FGF21: variants seen among roughly 807,000 people sequenced by gnomAD.
FGF21 encodes the protein fibroblast growth factor 21.
FGF21 carries 13 observed loss-of-function variants against 13.4 expected under a neutral mutation model. The ratio of observed to expected loss-of-function variants is 0.97; its 90% CI spans 0.63 to 1.54. The LOEUF (loss-of-function observed/expected upper bound fraction) is 1.54. Among genes scored for constraint, FGF21 ranks in the 40% most tolerant of loss-of-function variants. FGF21 has a pLI of 0.00. For synonymous variants in FGF21, 124 were observed against 123.6 expected (o/e 1.00, Z -0.02); for missense variants, 303 against 272.4 (o/e 1.11, Z -0.79).
Position 48,758,263 on chromosome 19 carries a change from G to T in FGF21, c.*43G>T. 2 of 1,484,000 alleles carry T rather than the reference G, an allele frequency of 1.3e-6. No homozygotes were observed. Among genetic ancestry groups the T allele is most frequent in the Admixed American group, 2.3e-5 (1 of 42,554 alleles). The allele number at this position is 1,484,000 out of a possible 1,614,324, so 91.9% of individuals were successfully genotyped here. ...TATGACATCTCCTCTTTATTTATTA[G>T]GTTATTTATCTTATTTATTTTTTTA... On this transcript the variant is annotated 3_prime_UTR_variant, in exon 4 of 4. Coordinates refer to ENST00000593756, the MANE Select transcript of FGF21 (RefSeq NM_019113.4).
intron 3 of FGF21, among the ~76,000 whole-genome samples, chr19:48,757,497 T>A (rs2122579899): frequency 6.6e-6 from 1 of 152,194 alleles, no homozygotes; most frequent in African/African-American, 2.4e-5. Context: ...GGGAGGCAGG[T>A]CCCTGCAGGA....
intron 3 of FGF21, among the ~76,000 whole-genome samples, 161 bp from the exon 4 acceptor site, chr19:48,757,769 G>A (rs9916946): frequency 2.2e-4 from 31 of 139,864 alleles, no homozygotes; most frequent in African/African-American, 6.7e-4. Flanking sequence ...CTCCTGGGTC[G>A]GATGGAGGAG....
At chr19:48,757,639 T>TG (rs1400001385) in intron 3 of FGF21, among the ~76,000 whole-genome samples, 51 of 75,842 alleles carry the variant, frequency 6.7e-4, no homozygotes, top group African/African-American at 2.1e-3. Flanking sequence ...GAGGAGGGGC[T>TG]GGGGCCTGGA....
rs1210325299 is a variant in FGF21, at chr19:48,756,966, A to G, written c.276A>G (p.Gln92=). 7 of 1,613,990 alleles carry G rather than the reference A, an allele frequency of 4.3e-6. No individual in the cohort carries two copies. In the Admixed American group the frequency reaches 1.0e-4, roughly 23 times the overall value. ...AAGCCTTGAAGCCGGGAGTTATTCAAATCTTGGGAGTCAAGACATCCAGGT... is the reference window on the plus strand; with the variant it reads ...AAGCCTTGAAGCCGGGAGTTATTCAGATCTTGGGAGTCAAGACATCCAGGT... ...QLKALKPGVI[Q]ILGVKTSRFL... is the part of the protein sequence containing the mutation. The change falls in exon 3 of 4, where the codon CAA becomes CAG. Residue 92 remains glutamine (Q), a synonymous_variant. Transcript: ENST00000593756.
In FGF21 at chr19:48,758,136, C is replaced by T. The variant is rs760562529; in HGVS notation, c.546C>T (p.Ala182=). ...TCCCGGAGCCACCCGGAATCCTGGCCCCCCAGCCCCCCGATGTGGGCTCCT... is the reference window on the plus strand; with the variant it reads ...TCCCGGAGCCACCCGGAATCCTGGCTCCCCAGCCCCCCGATGTGGGCTCCT... ...PALPEPPGIL[A]PQPPDVGSSD... The change falls in exon 4 of 4, where the codon GCC becomes GCT. Residue 182 remains alanine, a synonymous_variant. Transcript: ENST00000593756. 2.5e-6 allele frequency: 4 copies of T among 1,611,370 alleles called. No homozygotes were observed. In the Admixed American group the frequency reaches 5.0e-5, roughly 20 times the overall value.
In FGF21 at chr19:48,756,154, C is replaced by A; in HGVS notation, c.-83C>A. On this transcript the variant is annotated 5_prime_UTR_variant, in exon 2 of 4. Transcript: ENST00000593756. ...GGCCACCTGAGTCTACTCACCTGGA[C>A]AACTGGAATCTGGCACCAATTCTAA... 1 of 1,228,048 alleles carries A rather than the reference C, an allele frequency of 8.1e-7. No individual in the cohort carries two copies. Among genetic ancestry groups the A allele is most frequent in the Non-Finnish European group, 1.1e-6 (1 of 869,728 alleles). 76.1% of individuals were successfully genotyped at this position (1,228,048 alleles called of 1,614,324 possible). A position where few individuals can be genotyped will look rare whatever the true frequency, so the allele number is the denominator to read the frequency against.
rs1011845951 is a variant in FGF21 at position 48,756,186 on chromosome 19, C to G, written c.-51C>G. On this transcript the variant is annotated 5_prime_UTR_variant, in exon 2 of 4. Coordinates refer to ENST00000593756, the MANE Select transcript of FGF21 (RefSeq NM_019113.4). ...AATCTGGCACCAATTCTAAACCACT[C>G]AGCTTCTCCGAGCTCACACCCCGGA... is the stretch of plus-strand genomic sequence containing the variant. 3 of 1,520,124 alleles carry G rather than the reference C, an allele frequency of 2.0e-6. No individual in the cohort carries two copies. The African/African-American group carries it at 4.1e-5, about 21-fold the overall frequency. 94.2% of individuals were successfully genotyped at this position (1,520,124 alleles called of 1,614,324 possible). A position where few individuals can be genotyped will look rare whatever the true frequency, so the allele number is the denominator to read the frequency against.
intron 2 of FGF21, 38 bp from the exon 3 acceptor site, chr19:48,756,888 A>C: frequency 2.0e-6 from 3 of 1,512,914 alleles, no homozygotes; most frequent in East Asian, 2.3e-5. Flanking sequence ...CCCGGGTGGG[A>C]GAGGTCCTCG....
intron 2 of FGF21, 55 bp from the exon 3 acceptor site, chr19:48,756,871 G>T: frequency 7.3e-7 from 1 of 1,374,100 alleles, no homozygotes; most frequent in Non-Finnish European, 1.0e-6. Flanking sequence ...TCGGGTGGTG[G>T]GACAGTCCCG....
At position 48,756,188 on chromosome 19, in the gene FGF21, G is replaced by C. The variant is rs759483438; in HGVS notation, c.-49G>C. On this transcript the variant is annotated 5_prime_UTR_variant, in exon 2 of 4. Transcript: ENST00000593756. ...TCTGGCACCAATTCTAAACCACTCA[G>C]CTTCTCCGAGCTCACACCCCGGAGA... The C allele has an allele frequency of 1.3e-6, 2 of 1,530,548 alleles. No individual in the cohort carries two copies. Among genetic ancestry groups the C allele is most frequent in the African/African-American group, 1.4e-5 (1 of 73,088 alleles). 94.8% of individuals were successfully genotyped at this position (1,530,548 alleles called of 1,614,324 possible).
chr19:48,757,878 T>C (rs1401782274), intron 3 of FGF21, 52 bp from the exon 4 acceptor site: 1 of 1,495,624 alleles, frequency 6.7e-7, no homozygotes, highest in Admixed American at 2.2e-5. Context: ...TCCTGGGTCT[T>C]ACATCAGGAA....
At position 48,758,142 on chromosome 19, in the gene FGF21, GC is replaced by G; in HGVS notation, c.558del (p.Asp187MetfsTer8). On this transcript the variant is annotated frameshift_variant, in exon 4 of 4. Coordinates refer to ENST00000593756, the MANE Select transcript of FGF21 (RefSeq NM_019113.4). LOFTEE classifies it high-confidence loss of function. ...PEPPGILAPQPPDVGSSDPLS... is the reference protein window; with the variant it reads ...PEPPGILAPQXPDVGSSDPLS... Reference sequence around the variant, plus strand: ...AGCCACCCGGAATCCTGGCCCCCCAGCCCCCCGATGTGGGCTCCTCGGACCC... The same window carrying G: ...AGCCACCCGGAATCCTGGCCCCCCAGCCCCCGATGTGGGCTCCTCGGACCC... The G allele has an allele frequency of 6.2e-7, 1 of 1,611,418 alleles. No homozygotes were observed. Among genetic ancestry groups the G allele is most frequent in the East Asian group, 2.2e-5 (1 of 44,768 alleles).
chr19:48,756,933 G>T lies in FGF21; in HGVS notation c.243G>T (p.Leu81=), dbSNP rs148141279. ...GAADQSPESL[L]QLKALKPGVI... is the part of the protein sequence containing the mutation. ...ATCGCTTTCACCCCTTAGGTCTCCT[G>T]CAGCTGAAAGCCTTGAAGCCGGGAG... The change falls in exon 3 of 4, where the codon CTG becomes CTT. Residue 81 remains leucine, a synonymous_variant. Transcript: ENST00000593756. 6.2e-7 allele frequency: 1 copy of T among 1,613,850 alleles called. No homozygotes were observed. Among genetic ancestry groups the T allele is most frequent in the Admixed American group, 1.7e-5 (1 of 60,010 alleles).
chr19:48,757,548 T>C (rs531186643), intron 3 of FGF21, among the ~76,000 whole-genome samples: 34 of 152,136 alleles, frequency 2.2e-4, no homozygotes, highest in African/African-American at 8.0e-4. Context: ...TGCTGTTTTG[T>C]TTCCTAGAGG....
Position 48,758,037 on chromosome 19 carries a change from C to A in FGF21, c.447C>A (p.Asn149Lys). The A allele has an allele frequency of 6.2e-7, 1 of 1,613,464 alleles. No homozygotes were observed. Among genetic ancestry groups the A allele is most frequent in the Non-Finnish European group, 8.5e-7 (1 of 1,179,808 alleles). ...AHGLPLHLPGNKSPHRDPAPR... is the reference protein window; with the variant it reads ...AHGLPLHLPGKKSPHRDPAPR... ...GCCTCCCGCTGCACCTGCCAGGGAA[C>A]AAGTCCCCACACCGGGACCCTGCAC... Residue 149 changes from asparagine (N) to lysine (K), a missense_variant, in exon 4 of 4, where the codon AAC becomes AAA. Transcript: ENST00000593756.
Position 48,756,883 on chromosome 19 carries a change from G to A in FGF21, c.236-43G>A, listed in dbSNP as rs1316824165. 4.1e-6 allele frequency: 6 copies of A among 1,478,626 alleles called. No individual in the cohort carries two copies. In the South Asian group the frequency reaches 5.8e-5, roughly 14 times the overall value. 91.6% of individuals were successfully genotyped at this position (1,478,626 alleles called of 1,614,324 possible). A position where few individuals can be genotyped will look rare whatever the true frequency, so the allele number is the denominator to read the frequency against. ...GAGTCGGGTGGTGGGACAGTCCCGGGTGGGAGAGGTCCTCGAACCACCTTA... is the reference window on the plus strand; with the variant it reads ...GAGTCGGGTGGTGGGACAGTCCCGGATGGGAGAGGTCCTCGAACCACCTTA... On this transcript the variant is annotated intron_variant, in intron 2 of 3. Coordinates refer to ENST00000593756, the MANE Select transcript of FGF21 (RefSeq NM_019113.4).
At chr19:48,757,305 A>G (rs947873426) in intron 3 of FGF21, among the ~76,000 whole-genome samples, 6 of 152,194 alleles carry the variant, frequency 3.9e-5, no homozygotes, top group Admixed American at 1.3e-4. Context: ...CTCGTGATTC[A>G]GTAACCCCTG....
chr19:48,757,913 C>A lies in FGF21; in HGVS notation c.340-17C>A. On this transcript the variant is annotated splice_polypyrimidine_tract_variant and intron_variant, in intron 3 of 3. Coordinates refer to ENST00000593756, the MANE Select transcript of FGF21 (RefSeq NM_019113.4). ...AAACAGAGGAACCCTGTCTCTGATC[C>A]TGTTTTTGTCCCCTAGCTCCACTTT... The A allele has an allele frequency of 6.5e-7, 1 of 1,527,896 alleles. No individual in the cohort carries two copies. The highest frequency in any genetic ancestry group is 1.3e-5 in the South Asian group (1 of 78,028). 94.6% of individuals were successfully genotyped at this position (1,527,896 alleles called of 1,614,324 possible).
intron 3 of FGF21, 120 bp downstream of exon 3, chr19:48,757,149 C>T (rs2034118704): frequency 5.6e-6 from 4 of 719,336 alleles, no homozygotes; most frequent in South Asian, 3.5e-5. Context: ...ATTTGCTCTG[C>T]ACGCCCCCAG....
Sources: gnomAD v4.1 joint callset for allele counts (sites outside exome capture counted in the v4.1 genomes callset) on GRCh38, gnomAD v4.1.1 for gene constraint, MANE v1.5 for transcripts, NCBI Gene and HGNC (gene_info 2026-07-23, HGNC 2026-07-21) for gene names.